Variants in CLASRP observed in about 807,000 individuals in gnomAD.
CLASRP encodes CLK4-associating serine/arginine rich protein.
Under a neutral mutation model 99.9 loss-of-function variants are expected in CLASRP, and 52 were observed. The ratio of observed to expected loss-of-function variants is 0.52; its 90% CI spans 0.42 to 0.66. The LOEUF is 0.66. CLASRP is among the 30% of genes least tolerant of loss of function. The pLI is 0.00. For synonymous variants in CLASRP, 379 were observed against 373.0 expected (o/e 1.02, Z -0.18); for missense variants, 848 against 999.2 (o/e 0.85, Z 2.04).
intron 2 of CLASRP, among the ~76,000 whole-genome samples, chr19:45,045,166 A>G (rs538583301): frequency 2.0e-5 from 3 of 152,106 alleles, no homozygotes; most frequent in Non-Finnish European, 4.4e-5. Context: ...TCTTCATTCT[A>G]TCCAGCAGGG....
At chr19:45,068,551 A>T (rs1967152456) in intron 16 of CLASRP, 71 bp downstream of exon 16, 5 of 1,190,742 alleles carry the variant, frequency 4.2e-6, no homozygotes, top group Non-Finnish European at 6.3e-6. Context: ...AAGGAGACTC[A>T]GCACCACTTT....
At chr19:45,065,041 G>A (rs1325845098) in intron 13 of CLASRP, among the ~76,000 whole-genome samples, 2 of 152,282 alleles carry the variant, frequency 1.3e-5, no homozygotes, top group East Asian at 1.9e-4. Context: ...GGAGGGGGAG[G>A]GGCGCGTTCC....
chr19:45,043,823 T>C (rs574757451), intron 2 of CLASRP, among the ~76,000 whole-genome samples: 1 of 151,982 alleles, frequency 6.6e-6, no homozygotes, highest in South Asian at 2.1e-4. Context: ...CCTGGGTCTC[T>C]GTTGGTCATA....
chr19:45,065,566 A>G (rs75851700), intron 13 of CLASRP, among the ~76,000 whole-genome samples: 2 of 151,310 alleles, frequency 1.3e-5, no homozygotes, highest in Admixed American at 1.3e-4. Context: ...GTCTCAAGAA[A>G]AAAAAAAAAA....
intron 2 of CLASRP, 28 bp from the exon 3 acceptor site, chr19:45,052,043 G>A (rs1972033936): frequency 6.3e-7 from 1 of 1,591,316 alleles, no homozygotes; most frequent in Non-Finnish European, 8.6e-7. Flanking sequence ...CTGTTGGGTG[G>A]TGACCTCAGT....
At chr19:45,069,544 C>T in intron 18 of CLASRP, 1 of 558,058 alleles carries the variant, frequency 1.8e-6, no homozygotes, top group Admixed American at 3.1e-5. Context: ...ATACCCCTTC[C>T]CCACTCACCC....
chr19:45,067,467 C>T lies in CLASRP; in HGVS notation c.1540C>T (p.His514Tyr). Residue 514 changes from histidine to tyrosine, a missense_variant, in exon 14 of 21, where the codon CAT (histidine) becomes TAT (tyrosine). By Grantham distance (83) the His-to-Tyr change is moderately conservative. This residue lies in a region of CLASRP where 489 missense variants were observed against 434.7 expected (regional missense o/e 1.12). Transcript: ENST00000221455. This position sits in a 1 kb window ranked among gnomAD's most constrained non-coding sequence, Gnocchi z 4.9. ...TCGCAGCCTGACTCGCAGCCGCAGC[C>T]ATAGCCCCAGCCCCAGCCAGAGCCG... is the stretch of plus-strand genomic sequence containing the variant. Reference protein sequence around the residue: ...RSRSLTRSRSHSPSPSQSRSR... With the variant: ...RSRSLTRSRSYSPSPSQSRSR... 6.4e-7 allele frequency: 1 copy of T among 1,558,424 alleles called. No individual in the cohort carries two copies. The highest frequency in any genetic ancestry group is 8.6e-7 in the Non-Finnish European group (1 of 1,157,090).
At chr19:45,059,217 C>G in intron 7 of CLASRP, 51 bp from the exon 8 acceptor site, 5 of 1,499,308 alleles carry the variant, frequency 3.3e-6, no homozygotes, top group Non-Finnish European at 4.6e-6. Context: ...GCCCCTTCTC[C>G]CCTGTCCTCT....
chr19:45,060,736 T>TC lies in CLASRP; in HGVS notation c.863+110dup. The TC allele has an allele frequency of 8.1e-6, 7 of 859,358 alleles. No homozygotes were observed. The highest frequency in any genetic ancestry group is 1.8e-5 in the South Asian group (1 of 56,360). 53.2% of individuals were successfully genotyped at this position (859,358 alleles called of 1,614,324 possible). A position where few individuals can be genotyped will look rare whatever the true frequency, so the allele number is the denominator to read the frequency against. ...GCAGGCATTTGACTTGAGAAAGGAG[T>TC]CTTTCTAGTGGGGCGATGCATGGCC... On this transcript the variant is annotated intron_variant, in intron 10 of 20. Coordinates refer to ENST00000221455, the MANE Select transcript of CLASRP (RefSeq NM_007056.3). This position sits in a 1 kb window ranked among gnomAD's most constrained non-coding sequence, Gnocchi z 4.6.
intron 11 of CLASRP, among the ~76,000 whole-genome samples, chr19:45,063,518 T>C (rs1966991128): frequency 7.2e-6 from 1 of 139,428 alleles, no homozygotes; most frequent in South Asian, 2.5e-4. Flanking sequence ...TGACCTGGAC[T>C]CACTGCAACC....
At chr19:45,065,943 C>G (rs976181787) in intron 13 of CLASRP, among the ~76,000 whole-genome samples, 1 of 152,168 alleles carries the variant, frequency 6.6e-6, no homozygotes, top group Non-Finnish European at 1.5e-5. Context: ...GCCATGTCAG[C>G]TGCCTTCAGG....
In CLASRP at chr19:45,070,118, C is replaced by T; in HGVS notation, c.1957+14C>T. 1 of 1,502,858 alleles carries T rather than the reference C, an allele frequency of 6.7e-7. No individual in the cohort carries two copies. The highest frequency in any genetic ancestry group is 9.3e-7 in the Non-Finnish European group (1 of 1,078,504). 93.1% of individuals were successfully genotyped at this position (1,502,858 alleles called of 1,614,324 possible). On this transcript the variant is annotated intron_variant, in intron 19 of 20. Coordinates refer to ENST00000221455, the MANE Select transcript of CLASRP (RefSeq NM_007056.3). ...CCCCCCGATACAGTGAGTGTCCCCACCAGGCTGCAGGGCTCTGGGGCTTTA... is the reference window on the plus strand; with the variant it reads ...CCCCCCGATACAGTGAGTGTCCCCATCAGGCTGCAGGGCTCTGGGGCTTTA...
intron 2 of CLASRP, among the ~76,000 whole-genome samples, chr19:45,046,042 G>A (rs568144010): frequency 1.3e-5 from 2 of 152,268 alleles, no homozygotes; most frequent in African/African-American, 2.4e-5. Flanking sequence ...GTGCTTTGTG[G>A]TGCAGGCCTG....
In CLASRP at chr19:45,060,625, C is replaced by A; in HGVS notation, c.861C>A (p.Pro287=). Residue 287 remains proline (P), a splice_region_variant and synonymous_variant, in exon 10 of 21, where the codon CCC becomes CCA. Coordinates refer to ENST00000221455, the MANE Select transcript of CLASRP (RefSeq NM_007056.3). The surrounding 1 kb of genome is among the most constrained non-coding windows in gnomAD (Gnocchi z 4.6). The part of the protein sequence containing the change: ...KRLRGRKISP[P]SYARRDSPTY... The stretch of plus-strand genomic sequence containing the variant: ...TGAGGGGTCGCAAGATCAGCCCACC[C>A]AGGTAGGGCTTCTCCCTGAACCCCC... 6.3e-7 allele frequency: 1 copy of A among 1,597,170 alleles called. No homozygotes were observed. Among genetic ancestry groups the A allele is most frequent in the Non-Finnish European group, 8.5e-7 (1 of 1,172,340 alleles).
chr19:45,065,388 CAAA>C (rs761472417), intron 13 of CLASRP, among the ~76,000 whole-genome samples: 6 of 84,966 alleles, frequency 7.1e-5, no homozygotes, highest in East Asian at 4.1e-4. Flanking sequence ...GATTCCGTCT[CAAA>C]AAAAAAAAAA....
chr19:45,069,283 C>A, intron 18 of CLASRP, 35 bp downstream of exon 18: 2 of 1,603,722 alleles, frequency 1.2e-6, no homozygotes, highest in Non-Finnish European at 1.7e-6. Context: ...CATGGCCACA[C>A]CTCCTGGCCT....
chr19:45,043,072 A>G (rs1292281874), intron 2 of CLASRP, among the ~76,000 whole-genome samples: 3 of 152,156 alleles, frequency 2.0e-5, no homozygotes, highest in Non-Finnish European at 4.4e-5. Context: ...TAAAGTATAA[A>G]TGAATTTGGT....
intron 1 of CLASRP, chr19:45,039,867 C>T: frequency 5.0e-6 from 1 of 200,386 alleles, no homozygotes; most frequent in Non-Finnish European, 1.1e-5. Flanking sequence ...TGCCTTCTGA[C>T]CCTACTTCAA....
rs373093839 is a variant in CLASRP, at chr19:45,043,195, T to TG, written c.99+2884_99+2885insG. ...CCAAGCACTTCAGATAAGGAATACT[T>TG]TGTGTGTGTGTGTGTGTGTGTGTGT... is the stretch of plus-strand genomic sequence containing the variant. On this transcript the variant is annotated intron_variant, in intron 2 of 20. Transcript: ENST00000221455. Among the ~76,000 whole-genome samples the TG allele has an allele frequency of 2.6e-3, 350 of 134,752 alleles. 1 individual carries two copies. Among genetic ancestry groups the TG allele is most frequent in the African/African-American group, 7.5e-3 (271 of 36,166 alleles). The allele number at this position is 134,752 out of a possible 152,430, so 88.4% of individuals were successfully genotyped here.
Sources: allele counts gnomAD v4.1 joint callset (sites outside exome capture counted in the v4.1 genomes callset), GRCh38; gene constraint gnomAD v4.1.1; regional missense constraint gnomAD v4.1.1; non-coding constraint Gnocchi (gnomAD v3.1); transcripts MANE v1.5; gene names NCBI Gene and HGNC (gene_info 2026-07-23, HGNC 2026-07-21).